ARAP2: variants seen among roughly 807,000 people sequenced by gnomAD.
ARAP2 encodes arf-GAP with Rho-GAP domain, ANK repeat and PH domain-containing protein 2.
Under a neutral mutation model 194.5 loss-of-function variants are expected in ARAP2, and 148 were observed. The ratio of observed to expected loss-of-function variants is 0.76; its 90% CI spans 0.67 to 0.87. The LOEUF is 0.87. Ranked by LOEUF, ARAP2 falls within the 40% of genes least tolerant of loss-of-function variation. ARAP2 has a pLI of 0.00. For missense variants in ARAP2, 2,128 were observed against 1,989.7 expected, an observed-to-expected ratio of 1.07 and a Z score of -1.32; for synonymous variants, 695 against 683.5, an observed-to-expected ratio of 1.02 and a Z score of -0.26.
chr4:36,085,455 A>T (rs1711538972), intron 28 of ARAP2, among the ~76,000 whole-genome samples: 2 of 152,146 alleles, frequency 1.3e-5, no homozygotes, highest in Admixed American at 1.3e-4. Context: ...TGGAGCAAAC[A>T]TCCCTTTAGA....
chr4:36,159,721 T>G, intron 13 of ARAP2: 1 of 358,502 alleles, frequency 2.8e-6, no homozygotes, highest in Non-Finnish European at 4.8e-6. Flanking sequence ...AGGTCTCAAT[T>G]CATTGTTTGG....
chr4:36,032,276 T>C (rs1253679139), intron 5 of ARAP2, among the ~76,000 whole-genome samples: 1 of 152,052 alleles, frequency 6.6e-6, no homozygotes, highest in Non-Finnish European at 1.5e-5. Context: ...ATGTCAAGGG[T>C]AAGAGATTCT....
chr4:36,082,353 G>C lies in ARAP2; in HGVS notation c.4509-67C>G, dbSNP rs185325520. The C allele has an allele frequency of 1.8e-5, 26 of 1,474,358 alleles. No homozygotes were observed. The East Asian group carries it at 6.0e-4, about 34-fold the overall frequency. The allele number at this position is 1,474,358 out of a possible 1,614,324, so 91.3% of individuals were successfully genotyped here. ...ATACATTTTACAAGACAGAAAACAG[G>C]ATTAGATGTTAAGGAGATGAGATTT... is the stretch of plus-strand genomic sequence containing the variant. On this transcript the variant is annotated intron_variant, in intron 29 of 32. Transcript: ENST00000303965.
At chr4:36,127,065 G>A (rs1227583812) in intron 21 of ARAP2, among the ~76,000 whole-genome samples, 2 of 151,954 alleles carry the variant, frequency 1.3e-5, no homozygotes, top group African/African-American at 4.8e-5. Flanking sequence ...CAAACTCCCG[G>A]CCTCAAGCTA....
chr4:36,128,477 TAC>T (rs113034093), intron 21 of ARAP2, 54 bp downstream of exon 21: 2,661 of 944,272 alleles, frequency 2.8e-3, no homozygotes, highest in Admixed American at 4.6e-3. Context: ...GTCTATATTA[TAC>T]ACACACACAC....
intron 15 of ARAP2, among the ~76,000 whole-genome samples, chr4:36,157,760 C>T (rs891419061): frequency 1.3e-5 from 2 of 152,054 alleles, no homozygotes; most frequent in African/African-American, 2.4e-5. Context: ...TCTAATAATG[C>T]ATAGTTAATC....
At chr4:36,091,311 C>T (rs1247703534) in intron 28 of ARAP2, among the ~76,000 whole-genome samples, 1 of 152,044 alleles carries the variant, frequency 6.6e-6, no homozygotes, top group African/African-American at 2.4e-5. Flanking sequence ...ATTTTTATAG[C>T]TACATCATTT....
chr4:36,202,495 GA>G (rs796278892), intron 6 of ARAP2, among the ~76,000 whole-genome samples: 3,176 of 138,704 alleles, frequency 0.023, 98 homozygotes, highest in African/African-American at 0.077. Flanking sequence ...AAAATGAGAA[GA>G]AAAAAAAAAA....
intron 2 of ARAP2, among the ~76,000 whole-genome samples, chr4:36,226,585 C>T (rs576500329): frequency 4.0e-4 from 61 of 152,008 alleles, no homozygotes; most frequent in Non-Finnish European, 7.5e-4. Context: ...GCGTTTCACT[C>T]TAACTACTTA....
At chr4:36,195,038 C>T (rs1040487260) in intron 6 of ARAP2, among the ~76,000 whole-genome samples, 1 of 151,830 alleles carries the variant, frequency 6.6e-6, no homozygotes, top group African/African-American at 2.4e-5. Flanking sequence ...TGGTAGCGCA[C>T]AACTGTTGTC....
intron 6 of ARAP2, among the ~76,000 whole-genome samples, chr4:36,194,670 T>A (rs1220222269): frequency 1.3e-5 from 2 of 152,116 alleles, no homozygotes; most frequent in Non-Finnish European, 2.9e-5. Context: ...ACAGCAAGCC[T>A]CCCAAATTAA....
intron 5 of ARAP2, among the ~76,000 whole-genome samples, chr4:36,044,122 G>C (rs1025725809): frequency 6.6e-6 from 1 of 152,108 alleles, no homozygotes; most frequent in African/African-American, 2.4e-5. Flanking sequence ...AGCATGTAGT[G>C]TCCCGTTTAC....
intron 5 of ARAP2, among the ~76,000 whole-genome samples, chr4:36,029,204 A>G (rs1718496827): frequency 6.6e-6 from 1 of 151,992 alleles, no homozygotes; most frequent in Non-Finnish European, 1.5e-5. Flanking sequence ...TAGTGTGTCG[A>G]AGGCCAAAAT....
chr4:36,193,988 G>A (rs914957990), intron 6 of ARAP2, among the ~76,000 whole-genome samples: 2 of 152,090 alleles, frequency 1.3e-5, no homozygotes, highest in Non-Finnish European at 2.9e-5. Flanking sequence ...GATAATATAA[G>A]CTTTCATCCC....
chr4:36,236,734 T>G (rs1487009400), intron 1 of ARAP2, among the ~76,000 whole-genome samples: 1 of 152,240 alleles, frequency 6.6e-6, no homozygotes, highest in Non-Finnish European at 1.5e-5. Context: ...ACTATATCCC[T>G]TGATTGGATT....
chr4:36,059,177 T>G (rs1724002979), intron 1 of ARAP2, among the ~76,000 whole-genome samples: 1 of 152,188 alleles, frequency 6.6e-6, no homozygotes, highest in Non-Finnish European at 1.5e-5. Context: ...TTTAAATATG[T>G]ATATTCATAA....
intron 27 of ARAP2, among the ~76,000 whole-genome samples, chr4:36,094,141 C>T (rs1324731522): frequency 6.6e-6 from 1 of 152,148 alleles, no homozygotes; most frequent in Admixed American, 6.6e-5. Context: ...ATCCAACCCT[C>T]TGCTTATTTT....
At chr4:36,057,301 C>A (rs1723684563) in intron 2 of ARAP2, among the ~76,000 whole-genome samples, 2 of 150,706 alleles carry the variant, frequency 1.3e-5, no homozygotes, top group Non-Finnish European at 3.0e-5. Flanking sequence ...TTTTAAGAGT[C>A]CCTCAGTGAC....
intron 27 of ARAP2, among the ~76,000 whole-genome samples, chr4:36,103,874 A>G (rs1010191391): frequency 3.9e-5 from 6 of 151,974 alleles, no homozygotes; most frequent in African/African-American, 7.2e-5. Context: ...TGAGAAAATT[A>G]AAACCCCTTA....
Sources: gnomAD v4.1 joint callset for allele counts (sites outside exome capture counted in the v4.1 genomes callset) on GRCh38, gnomAD v4.1.1 for gene constraint, MANE v1.5 for transcripts, NCBI Gene and HGNC (gene_info 2026-07-23, HGNC 2026-07-21) for gene names.